The following BRWD3 variants were observed in gnomAD, a reference collection of about 807,000 sequenced individuals.
The protein encoded by BRWD3 is bromodomain and WD repeat-containing protein 3.
A neutral mutation model predicts 149.7 loss-of-function variants in BRWD3; 10 were observed. That is an observed-to-expected ratio of 0.07 (90% CI 0.04 to 0.11). The LOEUF is 0.11. Among genes scored for constraint, BRWD3 ranks in the 10% least tolerant of loss-of-function variants. The pLI, the probability that BRWD3 is intolerant of heterozygous loss-of-function variation, is 1.00. For missense variants in BRWD3, 940 were observed against 1,373.2 expected (o/e 0.68, Z 4.99); for synonymous variants, 504 against 456.7 (o/e 1.10, Z -1.32).
intron 6 of BRWD3, among the ~76,000 whole-genome samples, chrX:80,787,059 A>C (rs1275558054): frequency 9.0e-6 from 1 of 111,485 alleles, no homozygotes; most frequent in African/African-American, 3.3e-5. Context: ...GAAAAAAAAA[A>C]CATTTCTATC....
chrX:80,802,546 T>A (rs1197430449), intron 4 of BRWD3, among the ~76,000 whole-genome samples: 1 of 110,031 alleles, frequency 9.1e-6, no homozygotes, highest in African/African-American at 3.3e-5. Flanking sequence ...TTCTCCAGAT[T>A]TCCATGCTGG....
At chrX:80,709,634 G>A (rs189939457) in intron 20 of BRWD3, 57 bp from the exon 21 acceptor site, 3 of 1,106,872 alleles carry the variant, frequency 2.7e-6, no homozygotes, top group Non-Finnish European at 3.7e-6. Context: ...AAACACACAA[G>A]GAACATATAT....
chrX:80,732,576 GA>G (rs35861459), intron 12 of BRWD3, among the ~76,000 whole-genome samples: 1,414 of 111,220 alleles, frequency 0.013, 28 homozygotes, highest in African/African-American at 0.044. Flanking sequence ...AAAGGAGAAA[GA>G]AAGTAGGAGA....
chrX:80,751,217 T>C (rs867016556), intron 6 of BRWD3, among the ~76,000 whole-genome samples: 1 of 111,644 alleles, frequency 9.0e-6, no homozygotes, highest in Non-Finnish European at 1.9e-5. Context: ...AATAATAAAA[T>C]GTGTATTTCA....
intron 6 of BRWD3, among the ~76,000 whole-genome samples, chrX:80,748,531 G>C (rs1324417752): frequency 8.0e-5 from 9 of 112,080 alleles, no homozygotes; most frequent in African/African-American, 2.6e-4. Context: ...GCTTTTATTT[G>C]ATGGAAGACT....
intron 4 of BRWD3, among the ~76,000 whole-genome samples, chrX:80,803,951 T>C (rs933178001): frequency 9.8e-5 from 11 of 112,439 alleles, no homozygotes; most frequent in African/African-American, 3.6e-4. Context: ...AATGAGATAA[T>C]GTGAAAACAC....
At chrX:80,808,764 G>A (rs1464606466) in intron 3 of BRWD3, among the ~76,000 whole-genome samples, 166 bp from the exon 4 acceptor site, 1 of 88,571 alleles carries the variant, frequency 1.1e-5, no homozygotes, top group Non-Finnish European at 2.3e-5. Flanking sequence ...AGTATATGGG[G>A]GGGGGGGGGA....
chrX:80,708,684 C>T (rs1173468156), intron 21 of BRWD3, among the ~76,000 whole-genome samples: 1 of 111,056 alleles, frequency 9.0e-6, no homozygotes, highest in African/African-American at 3.3e-5. Context: ...TGCATGGTGG[C>T]GCATGCCTGT....
intron 4 of BRWD3, among the ~76,000 whole-genome samples, chrX:80,801,997 T>C (rs1569293263): frequency 8.9e-6 from 1 of 112,280 alleles, no homozygotes. Flanking sequence ...CTGGCATTCA[T>C]AAAAAATGCA....
chrX:80,772,699 A>G (rs968683947), intron 6 of BRWD3, among the ~76,000 whole-genome samples: 1 of 111,911 alleles, frequency 8.9e-6, no homozygotes, highest in Admixed American at 9.5e-5. Flanking sequence ...AAAAGCCACA[A>G]AACATTCAAT....
chrX:80,735,828 T>C (rs2073396191), intron 9 of BRWD3, among the ~76,000 whole-genome samples, 160 bp downstream of exon 9: 1 of 104,058 alleles, frequency 9.6e-6, no homozygotes, highest in Admixed American at 1.0e-4. Flanking sequence ...AAAATTATCC[T>C]AAAATCTCTT....
chrX:80,762,195 A>G lies in BRWD3; in HGVS notation c.431-16466T>C, dbSNP rs977313094. 2.0e-4 allele frequency among the ~76,000 whole-genome samples: 22 copies of G among 111,836 alleles called. No individual in the cohort carries two copies. In the Admixed American group the frequency reaches 2.0e-3, roughly 10 times the overall value. The stretch of plus-strand genomic sequence containing the variant: ...TCTCGGAAGTAGTTTACAAGCAAAC[A>G]TGTTTTGCCTTTCTCTCTTTGAACT... On this transcript the variant is annotated intron_variant, in intron 6 of 40. Transcript: ENST00000373275.
In BRWD3 at chrX:80,669,863, T is replaced by C. The variant is rs2072310068; in HGVS notation, c.*6746A>G. The stretch of plus-strand genomic sequence containing the variant: ...TTCATATATTTACTTACAAAACTTA[T>C]AAAATTGAAGAGAACTGCAAAGATG... On this transcript the variant is annotated 3_prime_UTR_variant, in exon 41 of 41. Transcript: ENST00000373275. 9.0e-6 allele frequency among the ~76,000 whole-genome samples: 1 copy of C among 111,352 alleles called. No individual in the cohort carries two copies.
intron 6 of BRWD3, among the ~76,000 whole-genome samples, chrX:80,753,019 C>T (rs1035998103): frequency 2.7e-5 from 3 of 111,493 alleles, no homozygotes; most frequent in African/African-American, 9.8e-5. Context: ...TGAAAAATAC[C>T]TATTTATGTC....
chrX:80,756,457 G>A (rs1443012393), intron 6 of BRWD3, among the ~76,000 whole-genome samples: 3 of 82,513 alleles, frequency 3.6e-5, no homozygotes, highest in African/African-American at 4.8e-5. Context: ...AGCCGAGATC[G>A]CACCATTGTA....
intron 6 of BRWD3, among the ~76,000 whole-genome samples, chrX:80,757,737 AAAT>A (rs2073758893): frequency 8.9e-6 from 1 of 112,405 alleles, no homozygotes; most frequent in Admixed American, 9.5e-5. Context: ...TTAAATATTC[AAAT>A]AATGACAGGA....
At chrX:80,721,404 T>C (rs2073148105) in intron 17 of BRWD3, among the ~76,000 whole-genome samples, 1 of 111,922 alleles carries the variant, frequency 8.9e-6, no homozygotes, top group African/African-American at 3.2e-5. Context: ...TACAAGCACA[T>C]GTGTAATACC....
intron 8 of BRWD3, among the ~76,000 whole-genome samples, chrX:80,740,474 G>T (rs1210158304): frequency 8.9e-6 from 1 of 112,417 alleles, no homozygotes; most frequent in Non-Finnish European, 1.9e-5. Context: ...TGAGTGCAGT[G>T]GCTCACGTGC....
At chrX:80,789,597 C>T (rs1313840969) in intron 6 of BRWD3, among the ~76,000 whole-genome samples, 2 of 110,023 alleles carry the variant, frequency 1.8e-5, no homozygotes, top group Non-Finnish European at 1.9e-5. Flanking sequence ...AGGATGGTCT[C>T]GATCTCCTGA....
Sources: gnomAD v4.1 joint callset for allele counts (sites outside exome capture counted in the v4.1 genomes callset) on GRCh38, gnomAD v4.1.1 for gene constraint, MANE v1.5 for transcripts, NCBI Gene and HGNC (gene_info 2026-07-23, HGNC 2026-07-21) for gene names.